TIA1: variants seen among roughly 807,000 people sequenced by gnomAD.
TIA1 encodes cytotoxic granule associated RNA binding protein TIA1.
A neutral mutation model predicts 65.9 loss-of-function variants in TIA1; 23 were observed. The ratio of observed to expected loss-of-function variants is 0.35; its 90% CI spans 0.25 to 0.49. TIA1 has a LOEUF of 0.49. TIA1 is among the 20% of genes least tolerant of loss of function. The pLI is 0.98. For synonymous variants in TIA1, 147 were observed against 149.4 expected (o/e 0.98, Z 0.12); for missense variants, 371 against 477.9 (o/e 0.78, Z 2.09).
In TIA1 at chr2:70,212,447, G is replaced by C; in HGVS notation, c.*272C>G. ...TCTGCCTCTTAATAGTTAAAAAGTG[G>C]CAGCAATCCCTGCATTTGTGTTTGA... is the stretch of plus-strand genomic sequence containing the variant. On this transcript the variant is annotated 3_prime_UTR_variant, in exon 13 of 13. Transcript: ENST00000433529. The C allele has an allele frequency of 3.5e-6, 1 of 289,532 alleles. No homozygotes were observed. Among genetic ancestry groups the C allele is most frequent in the Non-Finnish European group, 6.7e-6 (1 of 148,160 alleles). 17.9% of individuals were successfully genotyped at this position (289,532 alleles called of 1,614,324 possible).
At chr2:70,231,439 A>G (rs1249554121) in intron 2 of TIA1, among the ~76,000 whole-genome samples, 3 of 151,440 alleles carry the variant, frequency 2.0e-5, no homozygotes, top group African/African-American at 4.8e-5. Context: ...CTCTAAAATA[A>G]TTAAAAAGTA....
At chr2:70,234,229 T>C (rs1687802679) in intron 2 of TIA1, among the ~76,000 whole-genome samples, 1 of 152,218 alleles carries the variant, frequency 6.6e-6, no homozygotes, top group Non-Finnish European at 1.5e-5. Context: ...ACCTTCTTTA[T>C]GTTTCTATTG....
chr2:70,231,250 T>C (rs575106168), intron 2 of TIA1, among the ~76,000 whole-genome samples: 35 of 152,108 alleles, frequency 2.3e-4, no homozygotes, highest in African/African-American at 8.4e-4. Flanking sequence ...TGCAGTAAGC[T>C]GAGACTGCGC....
intron 7 of TIA1, 122 bp downstream of exon 7, chr2:70,224,432 T>C: frequency 7.3e-7 from 1 of 1,367,854 alleles, no homozygotes; most frequent in Non-Finnish European, 1.0e-6. Context: ...AATCTTCTAG[T>C]GAGGGTTTAT....
At chr2:70,222,727 A>T (rs1259288134) in intron 7 of TIA1, among the ~76,000 whole-genome samples, 2 of 152,234 alleles carry the variant, frequency 1.3e-5, no homozygotes, top group Non-Finnish European at 2.9e-5. Flanking sequence ...CAGCCTGGCC[A>T]ACATAGTGAA....
intron 10 of TIA1, chr2:70,215,986 C>CTCA: frequency 2.0e-6 from 1 of 490,178 alleles, no homozygotes; most frequent in Non-Finnish European, 3.5e-6. Context: ...AAACTCATGA[C>CTCA]GGTGATCCAC....
chr2:70,217,196 G>C (rs1207959833), intron 7 of TIA1: 7 of 378,066 alleles, frequency 1.9e-5, no homozygotes, highest in East Asian at 5.0e-5. Flanking sequence ...TTTTCAGATA[G>C]AGTCTCGCTC....
At chr2:70,233,472 G>GA (rs1687403435) in intron 2 of TIA1, among the ~76,000 whole-genome samples, 1 of 152,172 alleles carries the variant, frequency 6.6e-6, no homozygotes, top group Non-Finnish European at 1.5e-5. Flanking sequence ...AATGAAGTTA[G>GA]AAAAAGTCAC....
At chr2:70,217,035 T>G (rs750031329) in intron 7 of TIA1, 41 bp from the exon 8 acceptor site, 30 of 1,561,718 alleles carry the variant, frequency 1.9e-5, no homozygotes, top group Non-Finnish European at 2.5e-5. Flanking sequence ...AAGTCACTAT[T>G]AGTTGATGTT....
chr2:70,234,399 G>A (rs963089505), intron 2 of TIA1, among the ~76,000 whole-genome samples: 3 of 152,154 alleles, frequency 2.0e-5, no homozygotes, highest in African/African-American at 7.2e-5. Context: ...ATGGGTACAT[G>A]GATTTTTTCT....
chr2:70,218,098 A>G (rs1405711582), intron 7 of TIA1, among the ~76,000 whole-genome samples: 2 of 152,148 alleles, frequency 1.3e-5, no homozygotes, highest in Admixed American at 6.5e-5. Context: ...GCAATTACAT[A>G]TTGTGGTAAG....
In TIA1 at chr2:70,240,272, A is replaced by T. The variant is rs563871366; in HGVS notation, c.27-4097T>A. ...AGTATCACCTATGAAATATTTACATAAAAAAGTCTAACCTAAATCTAACCA... is the reference window on the plus strand; with the variant it reads ...AGTATCACCTATGAAATATTTACATTAAAAAGTCTAACCTAAATCTAACCA... On this transcript the variant is annotated intron_variant, in intron 1 of 12. Coordinates refer to ENST00000433529, the MANE Select transcript of TIA1 (RefSeq NM_022173.4). Among the ~76,000 whole-genome samples, 10 of 152,326 alleles carry T rather than the reference A, an allele frequency of 6.6e-5. No homozygotes were observed. The South Asian group carries it at 1.7e-3, about 25-fold the overall frequency.
chr2:70,227,458 C>T (rs1237841850), intron 6 of TIA1, among the ~76,000 whole-genome samples: 10 of 152,004 alleles, frequency 6.6e-5, no homozygotes, highest in African/African-American at 2.4e-4. Flanking sequence ...AGCTTGATAC[C>T]TATATAAGAA....
chr2:70,212,094 T>C lies in TIA1; in HGVS notation c.*625A>G, dbSNP rs1251494031. The C allele has an allele frequency of 6.6e-6, 1 of 152,606 alleles. No homozygotes were observed. The highest frequency in any genetic ancestry group is 2.4e-5 in the African/African-American group (1 of 41,446). 9.5% of individuals were successfully genotyped at this position (152,606 alleles called of 1,614,324 possible). A position where few individuals can be genotyped will look rare whatever the true frequency, so the allele number is the denominator to read the frequency against. The stretch of plus-strand genomic sequence containing the variant: ...AGTTTTCAATCTAAATGAACATCAT[T>C]TTTTCCATTTAAGTATATTTTACAG... On this transcript the variant is annotated 3_prime_UTR_variant, in exon 13 of 13. Coordinates refer to ENST00000433529, the MANE Select transcript of TIA1 (RefSeq NM_022173.4).
chr2:70,215,296 G>A (rs1184160121), intron 11 of TIA1, 75 bp downstream of exon 11: 4 of 1,571,408 alleles, frequency 2.5e-6, no homozygotes, highest in Non-Finnish European at 3.5e-6. Context: ...TATTAACAAG[G>A]ATTATCAACA....
intron 1 of TIA1, among the ~76,000 whole-genome samples, chr2:70,241,613 C>T (rs1014515275): frequency 5.9e-5 from 9 of 151,848 alleles, no homozygotes; most frequent in Admixed American, 1.3e-4. Context: ...AAAGAAGTCA[C>T]GGTGATTTTG....
chr2:70,238,755 A>C (rs1333886551), intron 1 of TIA1, among the ~76,000 whole-genome samples: 4 of 152,090 alleles, frequency 2.6e-5, no homozygotes, highest in African/African-American at 9.7e-5. Context: ...GATGATCTTC[A>C]TTTAAAGGGT....
rs1337238041 is a variant in TIA1, at chr2:70,216,868, C to G, written c.583+18G>C. 1 of 1,613,916 alleles carries G rather than the reference C, an allele frequency of 6.2e-7. No individual in the cohort carries two copies. The highest frequency in any genetic ancestry group is 8.5e-7 in the Non-Finnish European group (1 of 1,179,998). The stretch of plus-strand genomic sequence containing the variant: ...TCTCCAAAATTCCACATTTCCTTTT[C>G]TTCTCCAATACACCTACACTCATAT... On this transcript the variant is annotated intron_variant, in intron 8 of 12. Transcript: ENST00000433529.
chr2:70,241,449 A>G (rs996988759), intron 1 of TIA1, among the ~76,000 whole-genome samples: 6 of 150,044 alleles, frequency 4.0e-5, no homozygotes, highest in African/African-American at 1.5e-4. Context: ...TTAAAAAAAG[A>G]AAAAAAAAAG....
Sources: allele counts gnomAD v4.1 joint callset (sites outside exome capture counted in the v4.1 genomes callset), GRCh38; gene constraint gnomAD v4.1.1; transcripts MANE v1.5; gene names NCBI Gene and HGNC (gene_info 2026-07-23, HGNC 2026-07-21).